The following PTPN20 variants were observed in gnomAD, a reference collection of about 807,000 sequenced individuals.
PTPN20 encodes the protein tyrosine-protein phosphatase non-receptor type 20.
A neutral mutation model predicts 35.0 loss-of-function variants in PTPN20; 9 were observed. That is an observed-to-expected ratio of 0.26 (90% confidence interval 0.15 to 0.45). The LOEUF is 0.45. PTPN20 is among the 20% of genes least tolerant of loss of function. The pLI, the probability that PTPN20 is intolerant of heterozygous loss-of-function variation, is 1.00. For missense variants in PTPN20, 111 were observed against 312.5 expected (o/e 0.36, Z 4.86); for synonymous variants, 32 against 100.2 (o/e 0.32, Z 4.06).
intron 1 of PTPN20, among the ~76,000 whole-genome samples, chr10:46,931,010 A>ATG (rs1322795450): frequency 7.2e-5 from 6 of 83,738 alleles, no homozygotes; most frequent in Non-Finnish European, 1.3e-4. Context: ...ATTTTACTCA[A>ATG]TGTATTAATT....
At chr10:46,999,855 T>C in intron 9 of PTPN20, 57 bp from the exon 10 acceptor site, 1 of 1,595,138 alleles carries the variant, frequency 6.3e-7, no homozygotes, top group East Asian at 2.2e-5. Context: ...TGGCAATCTG[T>C]GAATTTGTGT....
intron 9 of PTPN20, among the ~76,000 whole-genome samples, chr10:46,992,123 T>C (rs1246007799): frequency 4.1e-5 from 5 of 122,256 alleles, no homozygotes; most frequent in Non-Finnish European, 8.9e-5. Context: ...CATTTTCAAT[T>C]TTTTTTTTTT....
intron 1 of PTPN20, among the ~76,000 whole-genome samples, chr10:46,912,312 GT>G (rs2032296384): frequency 3.1e-5 from 1 of 32,242 alleles, no homozygotes; most frequent in Admixed American, 3.3e-4. Flanking sequence ...TCACCTGGTA[GT>G]TTTTTTTAGT....
chr10:46,982,874 A>G (rs1370333330), intron 7 of PTPN20, among the ~76,000 whole-genome samples: 5 of 152,142 alleles, frequency 3.3e-5, no homozygotes. Flanking sequence ...ATAATTTAGT[A>G]ATATAACATA....
chr10:46,932,307 A>G, intron 1 of PTPN20, 70 bp from the exon 2 acceptor site: 1 of 1,531,828 alleles, frequency 6.5e-7, no homozygotes, highest in Non-Finnish European at 8.7e-7. Flanking sequence ...TTGATGAGTA[A>G]TAATATGTCA....
chr10:46,935,306 GTTTTTTT>G (rs71465454), intron 2 of PTPN20, among the ~76,000 whole-genome samples: 7 of 107,490 alleles, frequency 6.5e-5, no homozygotes, highest in African/African-American at 2.9e-4. Flanking sequence ...ATTTCATTCT[GTTTTTTT>G]TTTTTTTTTT....
intron 7 of PTPN20, among the ~76,000 whole-genome samples, chr10:46,975,718 G>A (rs1454059168): frequency 1.0e-3 from 157 of 152,190 alleles, no homozygotes; most frequent in African/African-American, 3.7e-3. Flanking sequence ...CTGGAGTGCA[G>A]TGGCATAGTC....
chr10:46,953,395 C>CTTTCTTTCT lies in PTPN20; in HGVS notation c.340+6723_340+6724insCTTTCTTTT, dbSNP rs1341999684. 3.1e-3 allele frequency among the ~76,000 whole-genome samples: 309 copies of CTTTCTTTCT among 99,890 alleles called. 6 individuals carry two copies. The highest frequency in any genetic ancestry group is 0.014 in the African/African-American group (293 of 21,624). 65.5% of individuals were successfully genotyped at this position (99,890 alleles called of 152,430 possible). On this transcript the variant is annotated intron_variant, in intron 5 of 10. Transcript: ENST00000374339. The stretch of plus-strand genomic sequence containing the variant: ...TCTTTCTTTCTTTCTTTCTTTCTTT[C>CTTTCTTTCT]TTTTTTTTTGACTTACTAACTTATT...
rs2044831258 is a variant in PTPN20, at chr10:46,946,688, C to T, written c.340+13C>T. 1 of 1,579,782 alleles carries T rather than the reference C, an allele frequency of 6.3e-7. No individual in the cohort carries two copies. The highest frequency in any genetic ancestry group is 1.1e-5 in the South Asian group (1 of 89,554). On this transcript the variant is annotated intron_variant, in intron 5 of 10. Transcript: ENST00000374339. Reference sequence around the variant, plus strand: ...CCTCTACTTTCTGGTATGACATCATCCTATTTGTAGTAGCAAGTTGAGGCT... The same window carrying T: ...CCTCTACTTTCTGGTATGACATCATTCTATTTGTAGTAGCAAGTTGAGGCT...
chr10:46,948,054 T>C, intron 5 of PTPN20: 2 of 414,006 alleles, frequency 4.8e-6, no homozygotes, highest in South Asian at 3.6e-5. Context: ...TTTTTACTTT[T>C]CTTTTCTCCT....
In PTPN20 at chr10:46,925,401, A is replaced by G. The variant is rs1234137973; in HGVS notation, c.-123-6976A>G. Among the ~76,000 whole-genome samples, 10 of 146,864 alleles carry G rather than the reference A, an allele frequency of 6.8e-5. 1 individual carries two copies. The highest frequency in any genetic ancestry group is 2.3e-4 in the African/African-American group (9 of 39,274). On this transcript the variant is annotated intron_variant, in intron 1 of 10. Transcript: ENST00000374339. ...GCCTTATCACAGGGAAGTATTTTCC[A>G]CCTATTACCTCATATCTGACTGTGA...
intron 9 of PTPN20, among the ~76,000 whole-genome samples, chr10:46,992,418 T>G (rs1219526190): frequency 6.6e-6 from 1 of 152,130 alleles, no homozygotes; most frequent in Non-Finnish European, 1.5e-5. Flanking sequence ...CCACCACCCC[T>G]GGCCCGAAAT....
At chr10:46,945,696 A>C (rs2044538904) in intron 4 of PTPN20, among the ~76,000 whole-genome samples, 1 of 151,958 alleles carries the variant, frequency 6.6e-6, no homozygotes, top group African/African-American at 2.4e-5. Context: ...TAGGGTTGCA[A>C]ATGAAAGTGC....
chr10:46,954,295 A>G (rs2047751345), intron 5 of PTPN20, among the ~76,000 whole-genome samples: 1 of 144,764 alleles, frequency 6.9e-6, no homozygotes, highest in East Asian at 2.0e-4. Flanking sequence ...CTCTTCTTAT[A>G]AGGATATCAG....
chr10:46,937,745 TA>T (rs1165453466), intron 2 of PTPN20, among the ~76,000 whole-genome samples: 18 of 152,100 alleles, frequency 1.2e-4, no homozygotes, highest in African/African-American at 4.1e-4. Context: ...TAAAAATTTA[TA>T]ATAGTTAAAA....
At chr10:46,935,876 C>G (rs1466467133) in intron 2 of PTPN20, among the ~76,000 whole-genome samples, 4 of 152,206 alleles carry the variant, frequency 2.6e-5, no homozygotes, top group African/African-American at 9.6e-5. Context: ...GAGAAATCTC[C>G]AAACCACATT....
At chr10:46,997,773 A>G (rs1437539980) in intron 9 of PTPN20, among the ~76,000 whole-genome samples, 2 of 152,196 alleles carry the variant, frequency 1.3e-5, no homozygotes, top group African/African-American at 2.4e-5. Context: ...AGTTCACCAA[A>G]GAGAACATAC....
chr10:47,002,886 G>T (rs1263766200), downstream of PTPN20, among the ~76,000 whole-genome samples: 1 of 151,816 alleles, frequency 6.6e-6, no homozygotes, highest in African/African-American at 2.4e-5. Flanking sequence ...TTTACCTTTA[G>T]CACTCAAAAG....
At chr10:46,937,531 C>CT (rs1268977671) in intron 2 of PTPN20, among the ~76,000 whole-genome samples, 1 of 150,970 alleles carries the variant, frequency 6.6e-6, no homozygotes, top group Non-Finnish European at 1.5e-5. Flanking sequence ...TGTTCAGTCT[C>CT]TTTTTTTCGC....
Sources: gnomAD v4.1 joint callset for allele counts (sites outside exome capture counted in the v4.1 genomes callset) on GRCh38, gnomAD v4.1.1 for gene constraint, MANE v1.5 for transcripts, NCBI Gene and HGNC (gene_info 2026-07-23, HGNC 2026-07-21) for gene names.